Variants in RAB10 observed in about 807,000 individuals in gnomAD.
RAB10 encodes the protein RAB10, member RAS oncogene family.
RAB10 carries 5 observed loss-of-function variants against 25.7 expected under a neutral mutation model. The observed-to-expected ratio is 0.19, with a 90% CI of 0.10 to 0.41. RAB10 has a LOEUF of 0.41. Among genes scored for constraint, RAB10 ranks in the 10% least tolerant of loss-of-function variants. The pLI, the probability that RAB10 is intolerant of heterozygous loss-of-function variation, is 1.00. For synonymous variants in RAB10, 89 were observed against 86.4 expected (o/e 1.03, Z -0.16); for missense variants, 103 against 245.8 (o/e 0.42, Z 3.89).
chr2:26,079,322 CAA>C (rs35015455), intron 1 of RAB10, among the ~76,000 whole-genome samples: 35,174 of 91,106 alleles, frequency 0.39, 4,493 homozygotes, highest in East Asian at 0.6. Flanking sequence ...CACACACACA[CAA>C]ACACACACAC....
At chr2:26,080,937 T>G (rs1054968757) in intron 1 of RAB10, among the ~76,000 whole-genome samples, 10 of 152,222 alleles carry the variant, frequency 6.6e-5, no homozygotes, top group African/African-American at 2.4e-4. Context: ...GCTGTTGATA[T>G]GGTTTGGCTG....
chr2:26,077,089 C>G (rs1231847841), intron 1 of RAB10, among the ~76,000 whole-genome samples: 1 of 152,092 alleles, frequency 6.6e-6, no homozygotes, highest in East Asian at 1.9e-4. Flanking sequence ...CATCTTAGGA[C>G]TTTTGTGAAA....
intron 5 of RAB10, among the ~76,000 whole-genome samples, chr2:26,133,311 G>A (rs976403519): frequency 3.3e-5 from 5 of 152,024 alleles, no homozygotes; most frequent in African/African-American, 4.8e-5. Context: ...CAATAGCATC[G>A]ATAAATCTCA....
At chr2:26,091,807 G>T (rs1280746288) in intron 1 of RAB10, among the ~76,000 whole-genome samples, 3 of 152,148 alleles carry the variant, frequency 2.0e-5, no homozygotes, top group African/African-American at 2.4e-5. Context: ...TTGATGAGTG[G>T]CTAGAAAGGT....
At chr2:26,071,714 A>G (rs570164328) in intron 1 of RAB10, among the ~76,000 whole-genome samples, 81 of 150,026 alleles carry the variant, frequency 5.4e-4, no homozygotes, top group Middle Eastern at 3.5e-3. Context: ...GAAGTTTGGA[A>G]TTTTGAGCCA....
intron 1 of RAB10, among the ~76,000 whole-genome samples, chr2:26,084,351 C>T (rs1461655580): frequency 6.6e-6 from 1 of 152,110 alleles, no homozygotes; most frequent in Non-Finnish European, 1.5e-5. Context: ...TTATTCATTG[C>T]CAAGTGTGTA....
At position 26,126,122 on chromosome 2, in the gene RAB10, C is replaced by T. The variant is rs78471187; in HGVS notation, c.328-1022C>T. On this transcript the variant is annotated intron_variant, in intron 3 of 5. Coordinates refer to ENST00000264710, the MANE Select transcript of RAB10 (RefSeq NM_016131.5). ...TATTTATTGAAAAGACTGTCCTTTC[C>T]CTATTGACTGATTTTGGCATCCTTG... 8.8e-4 allele frequency among the ~76,000 whole-genome samples: 134 copies of T among 152,208 alleles called. 1 individual carries two copies. In the East Asian group the frequency reaches 0.022, roughly 25 times the overall value.
intron 1 of RAB10, among the ~76,000 whole-genome samples, chr2:26,058,685 C>A (rs1305140934): frequency 6.6e-6 from 1 of 152,186 alleles, no homozygotes; most frequent in Non-Finnish European, 1.5e-5. Flanking sequence ...TGCCTCAGGA[C>A]CTGTGCGCTT....
intron 3 of RAB10, among the ~76,000 whole-genome samples, chr2:26,122,146 C>A: frequency 6.6e-6 from 1 of 152,184 alleles, no homozygotes; most frequent in East Asian, 1.9e-4. Flanking sequence ...ATGAGGTCTG[C>A]AGCTGTGGTT....
At chr2:26,087,822 A>G (rs541325355) in intron 1 of RAB10, among the ~76,000 whole-genome samples, 3 of 152,378 alleles carry the variant, frequency 2.0e-5, no homozygotes, top group South Asian at 4.1e-4. Context: ...AGTGCCAGGC[A>G]CATTGTAAAA....
chr2:26,093,631 G>A (rs1353756157), intron 1 of RAB10, among the ~76,000 whole-genome samples: 1 of 152,140 alleles, frequency 6.6e-6, no homozygotes, highest in East Asian at 1.9e-4. Flanking sequence ...AGTTTACCAG[G>A]AAAAGAAAAC....
chr2:26,069,068 T>C (rs1239113775), intron 1 of RAB10, among the ~76,000 whole-genome samples: 1 of 152,194 alleles, frequency 6.6e-6, no homozygotes, highest in African/African-American at 2.4e-5. Context: ...TGATAATTTC[T>C]TTCTTAATGT....
chr2:26,051,347 G>T (rs1278007354), intron 1 of RAB10, among the ~76,000 whole-genome samples: 1 of 98,184 alleles, frequency 1.0e-5, no homozygotes, highest in Non-Finnish European at 1.9e-5. Flanking sequence ...CTTCCTTCAA[G>T]TCCTCCCTTT....
chr2:26,123,887 TGA>T (rs973578791), intron 3 of RAB10, among the ~76,000 whole-genome samples: 16 of 152,156 alleles, frequency 1.1e-4, no homozygotes, highest in Non-Finnish European at 1.2e-4. Flanking sequence ...AAAGTTAAAC[TGA>T]GTGTGCCTGC....
chr2:26,095,829 C>G lies in RAB10; in HGVS notation c.128-2833C>G, dbSNP rs573118979. ...CAGGAGGCTGAGGTGGGAGGATCAC[C>G]TGAGCCCAGGAGGTCGAGGCTGCAG... On this transcript the variant is annotated intron_variant, in intron 1 of 5. Coordinates refer to ENST00000264710, the MANE Select transcript of RAB10 (RefSeq NM_016131.5). Among the ~76,000 whole-genome samples, 64 of 152,110 alleles carry G rather than the reference C, an allele frequency of 4.2e-4. 2 individuals carry two copies. The South Asian group carries it at 0.012, about 30-fold the overall frequency.
Position 26,048,781 on chromosome 2 carries a change from G to T in RAB10, c.127+14046G>T, listed in dbSNP as rs149407200. On this transcript the variant is annotated intron_variant, in intron 1 of 5. Transcript: ENST00000264710. The stretch of plus-strand genomic sequence containing the variant: ...TTTCAGCTATCTGAGAGACTGAGAT[G>T]GGAGGATCAGCTGAGGCCAGGGAGG... Among the ~76,000 whole-genome samples, 247 of 152,278 alleles carry T rather than the reference G, an allele frequency of 1.6e-3. 2 individuals are homozygous for T. The highest frequency in any genetic ancestry group is 5.8e-3 in the African/African-American group (241 of 41,558).
At chr2:26,091,685 G>C (rs1667109892) in intron 1 of RAB10, among the ~76,000 whole-genome samples, 1 of 152,114 alleles carries the variant, frequency 6.6e-6, no homozygotes, top group Non-Finnish European at 1.5e-5. Context: ...GAGATCATCA[G>C]TGTGTATGTG....
chr2:26,122,642 A>G (rs1449879150), intron 3 of RAB10, among the ~76,000 whole-genome samples: 1 of 152,052 alleles, frequency 6.6e-6, no homozygotes, highest in African/African-American at 2.4e-5. Flanking sequence ...AAAAACAAAA[A>G]AAAAGGGCAT....
chr2:26,047,434 G>A (rs1050818696), intron 1 of RAB10, among the ~76,000 whole-genome samples: 22 of 130,150 alleles, frequency 1.7e-4, no homozygotes, highest in Admixed American at 1.9e-4. Context: ...TTTTTTTATT[G>A]AGACAGAGTC....
Sources: gnomAD v4.1 joint callset for allele counts (sites outside exome capture counted in the v4.1 genomes callset) on GRCh38, gnomAD v4.1.1 for gene constraint, MANE v1.5 for transcripts, NCBI Gene and HGNC (gene_info 2026-07-23, HGNC 2026-07-21) for gene names.